Variants in RAP1GAP2 observed in about 807,000 individuals in gnomAD.
The protein encoded by RAP1GAP2 is RAP1 GTPase activating protein 2, also known as rap1 GTPase-activating protein 2.
In RAP1GAP2, 27 loss-of-function variants were observed where a neutral mutation model predicts 95.0. That is an observed-to-expected ratio of 0.28 (90% CI 0.21 to 0.39). RAP1GAP2 has a LOEUF of 0.39. Ranked by LOEUF, RAP1GAP2 falls within the 10% of genes least tolerant of loss-of-function variation. RAP1GAP2 has a pLI of 1.00. For missense variants in RAP1GAP2, 771 were observed against 970.0 expected, an observed-to-expected ratio of 0.79 and a Z score of 2.72; for synonymous variants, 373 against 380.9, an observed-to-expected ratio of 0.98 and a Z score of 0.24.
chr17:2,891,469 A>G (rs2073713683), intron 2 of RAP1GAP2, among the ~76,000 whole-genome samples: 1 of 151,716 alleles, frequency 6.6e-6, no homozygotes, highest in Non-Finnish European at 1.5e-5. Context: ...TTTTTCTACC[A>G]CAATTACTTT....
intron 2 of RAP1GAP2, among the ~76,000 whole-genome samples, chr17:2,828,563 C>T (rs560327094): frequency 9.2e-5 from 14 of 152,142 alleles, no homozygotes; most frequent in Admixed American, 3.3e-4. Flanking sequence ...GAAGAGCCGG[C>T]GGGAAGAGCG....
chr17:2,991,400 G>A lies in RAP1GAP2; in HGVS notation c.914+3G>A. 1 of 1,592,216 alleles carries A rather than the reference G, an allele frequency of 6.3e-7. No individual in the cohort carries two copies. The highest frequency in any genetic ancestry group is 8.6e-7 in the Non-Finnish European group (1 of 1,168,152). ...ATCACACTGCAGGATTTCAAAGGGT[G>A]GGTTTTAGCCAAGTGACGGCTCCAG... On this transcript the variant is annotated splice_donor_region_variant and intron_variant, in intron 12 of 24. Transcript: ENST00000254695.
intron 3 of RAP1GAP2, among the ~76,000 whole-genome samples, chr17:2,911,943 G>A (rs2042397502): frequency 6.6e-6 from 1 of 152,140 alleles, no homozygotes; most frequent in African/African-American, 2.4e-5. Flanking sequence ...CAGCTGGGAG[G>A]TGGCCCTTGC....
chr17:2,925,603 A>G (rs2042929621), intron 3 of RAP1GAP2, among the ~76,000 whole-genome samples: 1 of 152,200 alleles, frequency 6.6e-6, no homozygotes, highest in South Asian at 2.1e-4. Flanking sequence ...TTGCCAGGGT[A>G]AGCTGAAAAG....
chr17:2,953,185 A>G (rs372358773), intron 3 of RAP1GAP2, among the ~76,000 whole-genome samples: 3 of 151,430 alleles, frequency 2.0e-5, no homozygotes, highest in South Asian at 4.2e-4. Flanking sequence ...ATTTATATGC[A>G]TACATTATAT....
intron 3 of RAP1GAP2, among the ~76,000 whole-genome samples, chr17:2,952,185 C>G (rs1419008904): frequency 1.3e-5 from 2 of 152,170 alleles, no homozygotes; most frequent in Non-Finnish European, 2.9e-5. Context: ...TCTCTCTATA[C>G]AAACACATTC....
rs778476656 is a variant in RAP1GAP2, at chr17:2,963,991, C to G, written c.415C>G (p.Leu139Val). Reference protein sequence around the residue: ...SICEEEEEDNLSPNTFGYKLE... With the variant: ...SICEEEEEDNVSPNTFGYKLE... The stretch of plus-strand genomic sequence containing the variant: ...CTGTGAGGAGGAGGAAGAGGACAAC[C>G]TCAGCCCCAACACATTTGGCTACAA... The change falls in exon 7 of 25, where the codon CTC becomes GTC. Residue 139 changes from leucine to valine, a missense_variant. By Grantham distance (32) the Leu-to-Val change is conservative. Transcript: ENST00000254695. The surrounding 1 kb of genome is among the most constrained non-coding windows in gnomAD (Gnocchi z 4.8). 8 of 1,612,864 alleles carry G rather than the reference C, an allele frequency of 5.0e-6. No individual in the cohort carries two copies. Among genetic ancestry groups the G allele is most frequent in the Non-Finnish European group, 5.9e-6 (7 of 1,179,696 alleles).
At chr17:2,936,109 T>A (rs1217262885) in intron 3 of RAP1GAP2, among the ~76,000 whole-genome samples, 2 of 151,834 alleles carry the variant, frequency 1.3e-5, no homozygotes, top group Non-Finnish European at 2.9e-5. Context: ...GCCTCTTTTT[T>A]TTTTTTTATT....
chr17:2,885,279 G>T (rs550678142), intron 2 of RAP1GAP2, among the ~76,000 whole-genome samples: 6 of 152,022 alleles, frequency 3.9e-5, no homozygotes, highest in African/African-American at 7.2e-5. Context: ...TGATCCACCC[G>T]CCTCGGCCTC....
chr17:2,876,038 C>T (rs539178102), intron 2 of RAP1GAP2, among the ~76,000 whole-genome samples: 9 of 151,646 alleles, frequency 5.9e-5, no homozygotes, highest in East Asian at 5.8e-4. Flanking sequence ...CCCGGGTTCA[C>T]GCCATTCTCC....
intron 2 of RAP1GAP2, among the ~76,000 whole-genome samples, chr17:2,877,521 G>A (rs113823928): frequency 0.01 from 1,568 of 152,224 alleles, 23 homozygotes; most frequent in African/African-American, 0.035. Flanking sequence ...GCCAAAGCGC[G>A]TGGATCACCT....
chr17:2,925,866 C>A (rs777053924), intron 3 of RAP1GAP2, among the ~76,000 whole-genome samples: 1 of 152,068 alleles, frequency 6.6e-6, no homozygotes, highest in African/African-American at 2.4e-5. Context: ...AGGCCAGGCC[C>A]GGTGGCTCAT....
chr17:2,785,026 G>A (rs1266491776), intron 1 of RAP1GAP2, among the ~76,000 whole-genome samples: 2 of 152,172 alleles, frequency 1.3e-5, no homozygotes, highest in African/African-American at 2.4e-5. Context: ...TCATCTGCCT[G>A]CGGCATCATC....
At position 3,034,314 on chromosome 17, in the gene RAP1GAP2, GGCCAGGCCGGA is replaced by G. The variant is rs2047410256; in HGVS notation, c.*957_*967del. The G allele has an allele frequency of 5.2e-6, 1 of 192,208 alleles. No homozygotes were observed. The highest frequency in any genetic ancestry group is 1.1e-5 in the Non-Finnish European group (1 of 88,890). The allele number at this position is 192,208 out of a possible 1,614,324, so 11.9% of individuals were successfully genotyped here. On this transcript the variant is annotated 3_prime_UTR_variant, in exon 25 of 25. Coordinates refer to ENST00000254695, the MANE Select transcript of RAP1GAP2 (RefSeq NM_015085.5). The surrounding 1 kb of genome is among the most constrained non-coding windows in gnomAD (Gnocchi z 5.1). ...GGTTGAGGAAAACCTCGGGCCTGAG[GGCCAGGCCGGA>G]GCCCAGGTCTCTGCTGACAATGGGG...
At chr17:2,927,970 C>G (rs1187884040) in intron 3 of RAP1GAP2, among the ~76,000 whole-genome samples, 1 of 152,200 alleles carries the variant, frequency 6.6e-6, no homozygotes, top group Non-Finnish European at 1.5e-5. Flanking sequence ...TGTGCCTAAG[C>G]ATTTCCACAG....
chr17:2,915,177 C>T (rs1296522074), intron 3 of RAP1GAP2, among the ~76,000 whole-genome samples: 1 of 152,154 alleles, frequency 6.6e-6, no homozygotes, highest in Non-Finnish European at 1.5e-5. Flanking sequence ...CCTGCCTGGG[C>T]TCCCAAATTG....
chr17:3,031,090 A>G (rs997103472), intron 23 of RAP1GAP2, 92 bp downstream of exon 23: 2 of 1,345,212 alleles, frequency 1.5e-6, no homozygotes, highest in Non-Finnish European at 2.1e-6. Context: ...CAGACATCCC[A>G]GAGGGGGCTC....
intron 3 of RAP1GAP2, among the ~76,000 whole-genome samples, chr17:2,908,378 A>G (rs1253306507): frequency 6.6e-6 from 1 of 152,142 alleles, no homozygotes; most frequent in Non-Finnish European, 1.5e-5. Context: ...GTCATTGACG[A>G]TGTTACCCAG....
intron 11 of RAP1GAP2, among the ~76,000 whole-genome samples, chr17:2,990,851 T>A: frequency 6.6e-6 from 1 of 150,632 alleles, no homozygotes; most frequent in Non-Finnish European, 1.5e-5. Context: ...TATTCTTTTT[T>A]TTTTTTTTTT....
Sources: gnomAD v4.1 joint callset for allele counts (sites outside exome capture counted in the v4.1 genomes callset) on GRCh38, gnomAD v4.1.1 for gene constraint, Gnocchi (gnomAD v3.1) non-coding constraint, MANE v1.5 for transcripts, NCBI Gene and HGNC (gene_info 2026-07-23, HGNC 2026-07-21) for gene names.